LIPA: variants seen among roughly 807,000 people sequenced by gnomAD.
LIPA encodes the protein lipase A, lysosomal acid type, also known as lysosomal acid lipase/cholesteryl ester hydrolase.
In LIPA, 26 loss-of-function variants were observed where a neutral mutation model predicts 40.6. The ratio of observed to expected loss-of-function variants is 0.64; its 90% CI spans 0.47 to 0.89. The LOEUF (loss-of-function observed/expected upper bound fraction) is 0.89. Among genes scored for constraint, LIPA ranks in the 40% least tolerant of loss-of-function variants. The pLI is 0.00. For missense variants in LIPA, 455 were observed against 479.6 expected (o/e 0.95, Z 0.48); for synonymous variants, 188 against 168.4 (o/e 1.12, Z -0.90).
chr10:89,290,612 C>T (rs920597970), intron 1 of LIPA, among the ~76,000 whole-genome samples: 6 of 152,160 alleles, frequency 3.9e-5, no homozygotes, highest in Non-Finnish European at 4.4e-5. Context: ...ACGTCCTGTC[C>T]CTGCCTTAAC....
intron 2 of LIPA, chr10:89,402,907 G>C: frequency 6.2e-7 from 1 of 1,614,150 alleles, no homozygotes. Context: ...CAGGCTGTCC[G>C]CTTAAATCCA....
intron 1 of LIPA, among the ~76,000 whole-genome samples, chr10:89,293,828 C>A (rs1032902829): frequency 6.6e-6 from 1 of 152,158 alleles, no homozygotes; most frequent in Non-Finnish European, 1.5e-5. Context: ...CCTTAAATAC[C>A]TCCTCACAGG....
chr10:89,393,003 GA>G, intron 2 of LIPA: 1 of 760,928 alleles, frequency 1.3e-6, no homozygotes, highest in Non-Finnish European at 1.9e-6. Context: ...CAGGAAGGGA[GA>G]AAATGATCCC....
intron 1 of LIPA, among the ~76,000 whole-genome samples, chr10:89,298,141 T>C (rs1234358163): frequency 6.6e-6 from 1 of 152,206 alleles, no homozygotes; most frequent in African/African-American, 2.4e-5. Flanking sequence ...GCCCAGGGAC[T>C]TGAGAACCCA....
At chr10:89,306,195 T>C in intron 1 of LIPA, 1 of 1,614,162 alleles carries the variant, frequency 6.2e-7, no homozygotes, top group Non-Finnish European at 8.5e-7. Context: ...GCTGAAGAGT[T>C]AATCCAGCAA....
intron 1 of LIPA, among the ~76,000 whole-genome samples, chr10:89,336,353 A>G (rs986150846): frequency 4.6e-5 from 7 of 152,180 alleles, no homozygotes; most frequent in African/African-American, 1.2e-4. Context: ...GCACACACAT[A>G]AAGAGGCTAG....
intron 1 of LIPA, among the ~76,000 whole-genome samples, chr10:89,287,835 G>A (rs377215077): frequency 2.0e-5 from 3 of 152,074 alleles, no homozygotes; most frequent in African/African-American, 4.8e-5. Context: ...TTCAGGATCC[G>A]CACCTTATCA....
intron 2 of LIPA, among the ~76,000 whole-genome samples, chr10:89,368,926 TCA>T (rs3063812): frequency 0.073 from 10,777 of 148,646 alleles, 1,214 homozygotes; most frequent in African/African-American, 0.24. Context: ...AACACAAAAC[TCA>T]CACACACACA....
At chr10:89,221,482 C>T (rs1407729682) in intron 8 of LIPA, among the ~76,000 whole-genome samples, 2 of 152,190 alleles carry the variant, frequency 1.3e-5, no homozygotes, top group African/African-American at 4.8e-5. Flanking sequence ...TTCCAACTCT[C>T]ATTACTTTTT....
At chr10:89,368,926 TCACACA>T (rs3063812) in intron 2 of LIPA, among the ~76,000 whole-genome samples, 38,655 of 148,740 alleles carry the variant, frequency 0.26, 5,279 homozygotes, top group East Asian at 0.53. Context: ...AACACAAAAC[TCACACA>T]CACACACACA....
At chr10:89,247,219 A>C (rs1843036002) in intron 2 of LIPA, among the ~76,000 whole-genome samples, 1 of 151,812 alleles carries the variant, frequency 6.6e-6, no homozygotes, top group Non-Finnish European at 1.5e-5. Context: ...AAATACAAAA[A>C]AAATTAGCCA....
At chr10:89,341,125 C>T (rs149745575) in intron 1 of LIPA, among the ~76,000 whole-genome samples, 5 of 152,362 alleles carry the variant, frequency 3.3e-5, no homozygotes, top group East Asian at 1.9e-4. Context: ...CACCCTCCCC[C>T]TGAAGGCAGC....
chr10:89,264,157 CA>C (rs1308787796), intron 1 of LIPA, among the ~76,000 whole-genome samples: 10 of 152,162 alleles, frequency 6.6e-5, no homozygotes, highest in Admixed American at 2.6e-4. Context: ...ACATGGCAAG[CA>C]GGGGGGGTGG....
At chr10:89,368,429 G>A (rs116328323) in intron 2 of LIPA, among the ~76,000 whole-genome samples, 2,678 of 152,234 alleles carry the variant, frequency 0.018, 38 homozygotes, top group African/African-American at 0.043. Flanking sequence ...GCTGTCTCAA[G>A]CATTCCAAAG....
upstream of LIPA, among the ~76,000 whole-genome samples, chr10:89,347,440 T>C (rs746301919): frequency 1.3e-5 from 2 of 152,332 alleles, no homozygotes; most frequent in Non-Finnish European, 2.9e-5. Flanking sequence ...ATTTATAGAA[T>C]AGCTAGAAAA....
intron 1 of LIPA, among the ~76,000 whole-genome samples, chr10:89,321,707 T>C (rs1843573089): frequency 6.6e-6 from 1 of 152,202 alleles, no homozygotes; most frequent in Non-Finnish European, 1.5e-5. Context: ...GACCCAGCCA[T>C]CCCATTACTG....
chr10:89,311,602 G>A (rs1453704793), intron 1 of LIPA, among the ~76,000 whole-genome samples: 1 of 151,172 alleles, frequency 6.6e-6, no homozygotes, highest in Non-Finnish European at 1.5e-5. Context: ...ATAAGTTGGA[G>A]CTTTAAAACA....
intron 2 of LIPA, chr10:89,403,025 G>T (rs1387585535): frequency 1.2e-6 from 2 of 1,614,104 alleles, no homozygotes; most frequent in East Asian, 2.2e-5. Flanking sequence ...TGTCCTCACA[G>T]ACCTATGTCT....
At chr10:89,255,542 G>A (rs2133483723), upstream of LIPA, among the ~76,000 whole-genome samples, 1 of 152,344 alleles carries the variant, frequency 6.6e-6, no homozygotes, top group East Asian at 1.9e-4. Context: ...AATAGTCCAA[G>A]TGAGAGTTAA....
Sources: allele counts gnomAD v4.1 joint callset (sites outside exome capture counted in the v4.1 genomes callset), GRCh38; gene constraint gnomAD v4.1.1; transcripts MANE v1.5; gene names NCBI Gene and HGNC (gene_info 2026-07-23, HGNC 2026-07-21).